TBC1D1: variants seen among roughly 807,000 people sequenced by gnomAD.
TBC1D1 encodes TBC1 domain family member 1.
A neutral mutation model predicts 125.6 loss-of-function variants in TBC1D1; 89 were observed. The observed-to-expected ratio is 0.71, with a 90% CI of 0.60 to 0.85. The LOEUF (loss-of-function observed/expected upper bound fraction) is 0.85. Among genes scored for constraint, TBC1D1 ranks in the 40% least tolerant of loss-of-function variants. TBC1D1 has a pLI of 0.00. For synonymous variants in TBC1D1, 565 were observed against 564.1 expected (o/e 1.00, Z -0.02); for missense variants, 1,377 against 1,469.2 (o/e 0.94, Z 1.03).
chr4:38,029,415 C>T (rs530600060), intron 7 of TBC1D1, among the ~76,000 whole-genome samples: 3 of 152,128 alleles, frequency 2.0e-5, no homozygotes, highest in South Asian at 4.1e-4. Flanking sequence ...TGCCCAGAGC[C>T]GAAGTGCAAT....
At chr4:38,020,540 A>T (rs773901968) in intron 4 of TBC1D1, 51 bp from the exon 5 acceptor site, 3 of 1,430,094 alleles carry the variant, frequency 2.1e-6, no homozygotes, top group East Asian at 2.3e-5. Context: ...ATTTCTGAGG[A>T]TGGTGCGTCT....
At chr4:37,979,017 C>T (rs759849994) in intron 2 of TBC1D1, among the ~76,000 whole-genome samples, 5 of 152,200 alleles carry the variant, frequency 3.3e-5, no homozygotes, top group Admixed American at 6.5e-5. Flanking sequence ...GCTGGGATTA[C>T]AGCTGTGCGC....
At chr4:38,132,993 C>A in intron 18 of TBC1D1, 91 bp from the exon 21 acceptor site, 1 of 1,125,140 alleles carries the variant, frequency 8.9e-7, no homozygotes, top group Non-Finnish European at 1.3e-6. Flanking sequence ...AGACGCTTCA[C>A]AGGTGCGCAT....
chr4:37,989,772 T>A lies in TBC1D1; in HGVS notation c.418-24737T>A, dbSNP rs1194921755. On this transcript the variant is annotated intron_variant, in intron 2 of 19. Transcript: ENST00000261439. ...TCTGCCACCAGCAGCCTGTGTGACC[T>A]TGCCCAAGGTCACAACTCTGTGGGG... Among the ~76,000 whole-genome samples the A allele has an allele frequency of 2.0e-5, 3 of 152,198 alleles. No individual in the cohort carries two copies. The East Asian group carries it at 5.8e-4, about 29-fold the overall frequency.
chr4:37,915,941 C>T (rs965631223), intron 2 of TBC1D1, among the ~76,000 whole-genome samples: 10 of 152,142 alleles, frequency 6.6e-5, no homozygotes, highest in African/African-American at 2.2e-4. Flanking sequence ...ATTTTCTTGG[C>T]ATTTATTGGT....
At chr4:37,959,014 AT>A (rs1729447434) in intron 2 of TBC1D1, among the ~76,000 whole-genome samples, 1 of 152,180 alleles carries the variant, frequency 6.6e-6, no homozygotes, top group Non-Finnish European at 1.5e-5. Flanking sequence ...CAATCAGTTG[AT>A]ATACCAGGTC....
At chr4:37,924,293 G>GTTTGAACTGATT (rs1721629428) in intron 2 of TBC1D1, among the ~76,000 whole-genome samples, 1 of 152,044 alleles carries the variant, frequency 6.6e-6, no homozygotes, top group Non-Finnish European at 1.5e-5. Flanking sequence ...CCTATACTTT[G>GTTTGAACTGATT]TTTGTATGAA....
chr4:38,008,147 T>A (rs972384326), intron 2 of TBC1D1, among the ~76,000 whole-genome samples: 2 of 152,262 alleles, frequency 1.3e-5, no homozygotes, highest in African/African-American at 4.8e-5. Context: ...CCAGATTGAA[T>A]ATTCAGTGAT....
chr4:38,115,757 G>A lies in TBC1D1; in HGVS notation c.2605G>A (p.Gly869Arg). 2 of 1,614,142 alleles carry A rather than the reference G, an allele frequency of 1.2e-6. No individual in the cohort carries two copies. Among genetic ancestry groups the A allele is most frequent in the Non-Finnish European group, 1.7e-6 (2 of 1,180,022 alleles). Reference sequence around the variant, plus strand: ...ATACTTCTCTGCCCAGCTTGGAGCAGGACAGCTATCGCTTTACAACATTTT... The same window carrying A: ...ATACTTCTCTGCCCAGCTTGGAGCAAGACAGCTATCGCTTTACAACATTTT... Residue 869 changes from glycine (G) to arginine (R), a missense_variant, in exon 16 of 20, where the codon GGA becomes AGA. Gly to Arg is a moderately radical substitution (Grantham distance 125). This residue lies in a region of TBC1D1 where 543 missense variants were observed against 613.5 expected (regional missense o/e 0.89). Coordinates refer to ENST00000261439, the MANE Select transcript of TBC1D1 (RefSeq NM_015173.4).
intron 14 of TBC1D1, among the ~76,000 whole-genome samples, chr4:38,102,734 A>AGCCAG (rs1305296803): frequency 6.6e-6 from 1 of 152,020 alleles, no homozygotes; most frequent in African/African-American, 2.4e-5. Context: ...AAAAAAAATT[A>AGCCAG]GCCAGGCATG....
chr4:38,115,924 A>C lies in TBC1D1; in HGVS notation c.2772A>C (p.Lys924Asn), dbSNP rs752999888. 6.2e-7 allele frequency: 1 copy of C among 1,614,196 alleles called. No individual in the cohort carries two copies. Reference sequence around the variant, plus strand: ...TGATGTTTGACATGGGGCTGCGGAAACAGTATCGGCCAGACATGATTATTT... The same window carrying C: ...TGATGTTTGACATGGGGCTGCGGAACCAGTATCGGCCAGACATGATTATTT... The change falls in exon 16 of 20, where the codon AAA becomes AAC. Residue 924 changes from lysine (K) to asparagine (N), a missense_variant. This residue lies in a region of TBC1D1 where 543 missense variants were observed against 613.5 expected (regional missense o/e 0.89). Transcript: ENST00000261439.
chr4:37,991,631 C>CTT (rs35297661), intron 2 of TBC1D1, among the ~76,000 whole-genome samples: 2,039 of 131,556 alleles, frequency 0.015, 25 homozygotes, highest in East Asian at 0.021. Flanking sequence ...GCTCTTCTCT[C>CTT]TCTTTTTTTT....
intron 12 of TBC1D1, among the ~76,000 whole-genome samples, chr4:38,069,160 A>G (rs567097180): frequency 1.3e-4 from 20 of 152,328 alleles, no homozygotes; most frequent in African/African-American, 3.6e-4. Context: ...TCAAGGTCAT[A>G]CAGGCAAGGT....
intron 2 of TBC1D1, among the ~76,000 whole-genome samples, chr4:37,945,444 C>T (rs750619182): frequency 1.5e-4 from 20 of 129,586 alleles, no homozygotes; most frequent in Non-Finnish European, 2.7e-4. Context: ...ACCTGGGAGG[C>T]GGAGGTTGCA....
intron 2 of TBC1D1, among the ~76,000 whole-genome samples, chr4:37,994,512 G>A (rs1181716357): frequency 6.6e-6 from 1 of 152,176 alleles, no homozygotes; most frequent in Non-Finnish European, 1.5e-5. Context: ...CCAAAGTGCT[G>A]AGACTACAGA....
chr4:37,964,129 T>C (rs940525420), intron 2 of TBC1D1, among the ~76,000 whole-genome samples: 5 of 152,254 alleles, frequency 3.3e-5, no homozygotes, highest in Admixed American at 6.5e-5. Context: ...CAATAGATAT[T>C]GAGTGGCTGA....
intron 12 of TBC1D1, among the ~76,000 whole-genome samples, chr4:38,055,373 C>T (rs1024610387): frequency 6.6e-6 from 1 of 152,220 alleles, no homozygotes; most frequent in Admixed American, 6.5e-5. Flanking sequence ...AAGTTACCAC[C>T]TATAACCTGG....
intron 6 of TBC1D1, among the ~76,000 whole-genome samples, chr4:38,022,805 C>T (rs899712627): frequency 6.6e-6 from 1 of 152,072 alleles, no homozygotes; most frequent in African/African-American, 2.4e-5. Context: ...CCACTCTGTT[C>T]TTGATTTTGT....
At chr4:38,116,574 G>A (rs1023403857) in intron 16 of TBC1D1, among the ~76,000 whole-genome samples, 2 of 152,202 alleles carry the variant, frequency 1.3e-5, no homozygotes, top group Admixed American at 6.5e-5. Context: ...GGAGAGGGAA[G>A]GGATCTTACG....
Sources: gnomAD v4.1 joint callset for allele counts (sites outside exome capture counted in the v4.1 genomes callset) on GRCh38, gnomAD v4.1.1 for gene constraint, gnomAD v4.1.1 regional missense constraint, MANE v1.5 for transcripts, NCBI Gene and HGNC (gene_info 2026-07-23, HGNC 2026-07-21) for gene names.